Variants in CPNE4 observed in about 807,000 individuals in gnomAD.
CPNE4 encodes the protein copine 4, also known as copine-4.
In CPNE4, 25 loss-of-function variants were observed where a neutral mutation model predicts 67.9. The ratio of observed to expected loss-of-function variants is 0.37; its 90% CI spans 0.27 to 0.51. The LOEUF (loss-of-function observed/expected upper bound fraction) is 0.51, where lower values mean the gene tolerates loss of function less well. Among genes scored for constraint, CPNE4 ranks in the 20% least tolerant of loss-of-function variants. The probability of loss-of-function intolerance (pLI) is 0.93; values close to 1 mark genes in which losing one functional copy is unlikely to be tolerated. For missense variants in CPNE4, 464 were observed against 690.8 expected, an observed-to-expected ratio of 0.67 and a Z score of 3.68; for synonymous variants, 242 against 244.9, an observed-to-expected ratio of 0.99 and a Z score of 0.11.
At chr3:131,757,039 T>G (rs1293503964) in intron 2 of CPNE4, among the ~76,000 whole-genome samples, 3 of 152,198 alleles carry the variant, frequency 2.0e-5, no homozygotes, top group African/African-American at 7.2e-5. Context: ...CAATTAAACC[T>G]CTTTTTCTTC....
intron 7 of CPNE4, among the ~76,000 whole-genome samples, chr3:131,611,186 TA>T (rs1310395009): frequency 6.6e-6 from 1 of 152,174 alleles, no homozygotes; most frequent in African/African-American, 2.4e-5. Context: ...GAGAATGAGA[TA>T]GCCCATTATA....
chr3:131,801,686 G>C (rs2084136289), intron 2 of CPNE4, among the ~76,000 whole-genome samples: 2 of 150,206 alleles, frequency 1.3e-5, no homozygotes, highest in Admixed American at 1.3e-4. Flanking sequence ...CTGTGGGTTA[G>C]TGCTTTCCAA....
At chr3:131,670,864 T>G (rs2080394631) in intron 6 of CPNE4, among the ~76,000 whole-genome samples, 1 of 152,184 alleles carries the variant, frequency 6.6e-6, no homozygotes, top group African/African-American at 2.4e-5. Context: ...CAGGCTGTAG[T>G]GCAATGGTGC....
At chr3:131,961,259 C>T (rs2072164788) in intron 1 of CPNE4, among the ~76,000 whole-genome samples, 1 of 151,024 alleles carries the variant, frequency 6.6e-6, no homozygotes, top group African/African-American at 2.5e-5. Context: ...TTAAATGTTT[C>T]CTTAAGTGCT....
rs376337126 is a variant in CPNE4, at chr3:131,533,746, A to G, written c.*1449T>C. 9 of 152,344 alleles carry G rather than the reference A, an allele frequency of 5.9e-5. No individual in the cohort carries two copies. In the East Asian group the frequency reaches 9.6e-4, roughly 16 times the overall value. 9.4% of individuals were successfully genotyped at this position (152,344 alleles called of 1,614,324 possible). On this transcript the variant is annotated 3_prime_UTR_variant, in exon 16 of 16. Coordinates refer to ENST00000429747, the MANE Select transcript of CPNE4 (RefSeq NM_130808.3). ...TAGAAGGCATTTTATTTGCTTGTTA[A>G]TACTGCTCCCCTCTTCAAACAAACA...
intron 1 of CPNE4, among the ~76,000 whole-genome samples, chr3:131,918,789 T>C (rs770603257): frequency 1.3e-5 from 2 of 152,194 alleles, no homozygotes; most frequent in Non-Finnish European, 2.9e-5. Flanking sequence ...AAAGGAGATA[T>C]GGTGTATAAT....
At chr3:131,560,568 G>A (rs1246256004) in intron 11 of CPNE4, among the ~76,000 whole-genome samples, 1 of 151,990 alleles carries the variant, frequency 6.6e-6, no homozygotes, top group Non-Finnish European at 1.5e-5. Flanking sequence ...TCCCGACACA[G>A]GGCAACACTT....
intron 7 of CPNE4, among the ~76,000 whole-genome samples, chr3:131,640,409 A>G (rs1056609791): frequency 1.3e-5 from 2 of 152,122 alleles, no homozygotes; most frequent in African/African-American, 2.4e-5. Flanking sequence ...CCCTTTCACA[A>G]TAACTGAAAA....
chr3:132,031,907 T>A (rs2074244383), intron 1 of CPNE4, among the ~76,000 whole-genome samples: 1 of 152,182 alleles, frequency 6.6e-6, no homozygotes, highest in Non-Finnish European at 1.5e-5. Flanking sequence ...GAATCAAAGC[T>A]TTTTTCTATT....
chr3:131,686,994 G>C (rs1401576408), intron 5 of CPNE4, among the ~76,000 whole-genome samples: 1 of 152,086 alleles, frequency 6.6e-6, no homozygotes, highest in Non-Finnish European at 1.5e-5. Flanking sequence ...AGGCTTCCCA[G>C]ACTTTCTATC....
chr3:131,746,446 T>A (rs1021718590), intron 2 of CPNE4, among the ~76,000 whole-genome samples: 2 of 152,092 alleles, frequency 1.3e-5, no homozygotes, highest in African/African-American at 4.8e-5. Context: ...CTCCCCATCC[T>A]CTGGTAGCTA....
intron 10 of CPNE4, among the ~76,000 whole-genome samples, chr3:131,570,626 C>A (rs1391951593): frequency 1.3e-5 from 2 of 152,036 alleles, no homozygotes; most frequent in African/African-American, 4.8e-5. Flanking sequence ...TCACCTCCAC[C>A]CACCTCCTCA....
intron 7 of CPNE4, among the ~76,000 whole-genome samples, chr3:131,610,418 T>TCTCTCAACA (rs1939766191): frequency 6.6e-6 from 1 of 152,270 alleles, no homozygotes; most frequent in African/African-American, 2.4e-5. Context: ...ATGTCTTTTC[T>TCTCTCAACA]CTCTCAACAC....
At chr3:131,997,580 G>C (rs1210025789) in intron 1 of CPNE4, among the ~76,000 whole-genome samples, 1 of 152,132 alleles carries the variant, frequency 6.6e-6, no homozygotes, top group African/African-American at 2.4e-5. Context: ...TTACAGATAA[G>C]AGTAGGTTCA....
intron 7 of CPNE4, among the ~76,000 whole-genome samples, chr3:131,632,811 C>T (rs1275271102): frequency 6.6e-6 from 1 of 152,126 alleles, no homozygotes; most frequent in Non-Finnish European, 1.5e-5. Flanking sequence ...ACATTTCGGT[C>T]CTATAATTCT....
intron 2 of CPNE4, among the ~76,000 whole-genome samples, chr3:131,857,881 G>A (rs1355778): frequency 0.32 from 48,529 of 151,632 alleles, 8,292 homozygotes; most frequent in African/African-American, 0.42. Flanking sequence ...GCAGGTGTTA[G>A]GTGCTTAAAA....
chr3:131,927,039 AAT>A (rs1353836669), intron 1 of CPNE4, among the ~76,000 whole-genome samples: 1 of 152,144 alleles, frequency 6.6e-6, no homozygotes. Context: ...TGCAACTAAC[AAT>A]AGCTAGTGCC....
At chr3:131,924,992 G>A (rs2070854335) in intron 1 of CPNE4, among the ~76,000 whole-genome samples, 1 of 152,076 alleles carries the variant, frequency 6.6e-6, no homozygotes, top group Non-Finnish European at 1.5e-5. Flanking sequence ...TGTTTTTCAG[G>A]CACAAGCACT....
chr3:131,721,065 C>T (rs2081870788), intron 3 of CPNE4, among the ~76,000 whole-genome samples: 1 of 152,212 alleles, frequency 6.6e-6, no homozygotes, highest in Non-Finnish European at 1.5e-5. Flanking sequence ...TGCTTGCTCT[C>T]TTATTCTGTA....
Sources: gnomAD v4.1 joint callset for allele counts (sites outside exome capture counted in the v4.1 genomes callset) on GRCh38, gnomAD v4.1.1 for gene constraint, MANE v1.5 for transcripts, NCBI Gene and HGNC (gene_info 2026-07-23, HGNC 2026-07-21) for gene names.